The following HIVEP3 variants were observed in gnomAD, a reference collection of about 807,000 sequenced individuals.
HIVEP3 encodes transcription factor HIVEP3.
A neutral mutation model predicts 152.8 loss-of-function variants in HIVEP3; 49 were observed. The ratio of observed to expected loss-of-function variants is 0.32; its 90% CI spans 0.26 to 0.41. HIVEP3 has a LOEUF of 0.41. Among genes scored for constraint, HIVEP3 ranks in the 10% least tolerant of loss-of-function variants. The pLI is 1.00. For synonymous variants in HIVEP3, 1,269 were observed against 1,289.0 expected, an observed-to-expected ratio of 0.98 and a Z score of 0.33; for missense variants, 2,790 against 3,103.3, an observed-to-expected ratio of 0.90 and a Z score of 2.40.
At chr1:41,598,146 C>T (rs956681132) in intron 3 of HIVEP3, among the ~76,000 whole-genome samples, 10 of 152,174 alleles carry the variant, frequency 6.6e-5, no homozygotes, top group Admixed American at 1.3e-4. Context: ...ATGAGAGTTG[C>T]GCAGGCCCAG....
In HIVEP3 at chr1:41,737,206, T is replaced by C. The variant is rs183670905; in HGVS notation, c.-800-36211A>G. On this transcript the variant is annotated intron_variant, in intron 1 of 8. Transcript: ENST00000372583. ...GCTACGTGGGCTCAGAAAAGCTGCT[T>C]AACGTATCTCAGCCTGGTTTCCTCA... 2.6e-5 allele frequency among the ~76,000 whole-genome samples: 4 copies of C among 152,282 alleles called. 1 individual carries two copies. Among genetic ancestry groups the C allele is most frequent in the African/African-American group, 9.6e-5 (4 of 41,558 alleles).
At position 41,628,766 on chromosome 1, in the gene HIVEP3, C is replaced by T. The variant is rs1248537719; in HGVS notation, c.-539G>A. The T allele has an allele frequency of 1.6e-6, 2 of 1,232,108 alleles. No individual in the cohort carries two copies. The highest frequency in any genetic ancestry group is 8.4e-5 in the Admixed American group (2 of 23,704). The allele number at this position is 1,232,108 out of a possible 1,614,324, so 76.3% of individuals were successfully genotyped here. On this transcript the variant is annotated 5_prime_UTR_variant, in exon 3 of 9. It adds an upstream start codon to the 5' untranslated region. Coordinates refer to ENST00000372583, the MANE Select transcript of HIVEP3 (RefSeq NM_024503.5). ...TTTCCTACCTGTGCTGAAGGCACCACTTCCGATGACCAAAACTGAAACGCT... is the reference window on the plus strand; with the variant it reads ...TTTCCTACCTGTGCTGAAGGCACCATTTCCGATGACCAAAACTGAAACGCT...
intron 2 of HIVEP3, among the ~76,000 whole-genome samples, chr1:41,654,574 A>G (rs931794126): frequency 7.2e-5 from 11 of 152,252 alleles, no homozygotes; most frequent in African/African-American, 2.7e-4. Flanking sequence ...AACATCTTAC[A>G]TAACAAGGTA....
intron 5 of HIVEP3, among the ~76,000 whole-genome samples, chr1:41,545,091 ATCGCTAC>A (rs1643709809): frequency 7.7e-6 from 1 of 129,078 alleles, no homozygotes; most frequent in Non-Finnish European, 1.7e-5. Context: ...CACCTCTACC[ATCGCTAC>A]CATCACCACC....
Position 41,918,190 on chromosome 1 carries a change from A to G in HIVEP3, c.-801+223T>C, listed in dbSNP as rs1644903326. The stretch of plus-strand genomic sequence containing the variant: ...CGCGCCGCTCCCCAGCACCAGGCCG[A>G]GCAGCGCGCTCAGCCCACCGGGGGC... On this transcript the variant is annotated intron_variant, in intron 1 of 8. Transcript: ENST00000372583. This position sits in a 1 kb window ranked among gnomAD's most constrained non-coding sequence, Gnocchi z 4.3. Among the ~76,000 whole-genome samples, 1 of 139,326 alleles carries G rather than the reference A, an allele frequency of 7.2e-6. No individual in the cohort carries two copies. Among genetic ancestry groups the G allele is most frequent in the South Asian group, 2.5e-4 (1 of 4,038 alleles). 91.4% of individuals were successfully genotyped at this position (139,326 alleles called of 152,430 possible). A position where few individuals can be genotyped will look rare whatever the true frequency, so the allele number is the denominator to read the frequency against.
chr1:41,837,092 C>T (rs1643146053), intron 1 of HIVEP3, among the ~76,000 whole-genome samples: 1 of 152,198 alleles, frequency 6.6e-6, no homozygotes, highest in Non-Finnish European at 1.5e-5. Context: ...ATAATTCCCG[C>T]CCAATGGCCT....
Position 41,547,561 on chromosome 1 carries a change from G to A in HIVEP3, c.5208-22651C>T, listed in dbSNP as rs144987129. Among the ~76,000 whole-genome samples, 298 of 152,262 alleles carry A rather than the reference G, an allele frequency of 2.0e-3. 1 individual carries two copies. The highest frequency in any genetic ancestry group is 6.6e-3 in the African/African-American group (275 of 41,542). On this transcript the variant is annotated intron_variant, in intron 5 of 8. Coordinates refer to ENST00000372583, the MANE Select transcript of HIVEP3 (RefSeq NM_024503.5). ...GCTTGGCTGGTAGAGCGAGGAGCCC[G>A]AGGAGGTGGCCTGGGGCCAAGGCAG...
intron 2 of HIVEP3, among the ~76,000 whole-genome samples, chr1:41,671,421 C>T (rs575378570): frequency 1.5e-4 from 23 of 152,316 alleles, no homozygotes; most frequent in African/African-American, 4.6e-4. Context: ...GCCGGAGAAA[C>T]GAATCCTGCT....
At chr1:41,564,142 G>A (rs182087897) in intron 5 of HIVEP3, among the ~76,000 whole-genome samples, 100 of 152,236 alleles carry the variant, frequency 6.6e-4, no homozygotes, top group Non-Finnish European at 7.4e-5. Flanking sequence ...GCAGTGAGCC[G>A]AGATCGTGCC....
chr1:41,772,567 G>A (rs1487772309), intron 1 of HIVEP3, among the ~76,000 whole-genome samples: 1 of 152,158 alleles, frequency 6.6e-6, no homozygotes, highest in Non-Finnish European at 1.5e-5. Flanking sequence ...CCATCGGCAT[G>A]GTTTCAGCAG....
chr1:41,707,920 A>G (rs965088104), intron 1 of HIVEP3, among the ~76,000 whole-genome samples: 9 of 152,258 alleles, frequency 5.9e-5, no homozygotes, highest in African/African-American at 2.2e-4. Flanking sequence ...CTGGCCTGTC[A>G]GGAGTCAGTA....
At chr1:41,756,214 T>C (rs1647299174) in intron 1 of HIVEP3, among the ~76,000 whole-genome samples, 1 of 152,184 alleles carries the variant, frequency 6.6e-6, no homozygotes, top group South Asian at 2.1e-4. Flanking sequence ...TCTCAAAAGG[T>C]CATCTAATGT....
intron 5 of HIVEP3, among the ~76,000 whole-genome samples, chr1:41,544,844 T>TACCACC (rs1309800542): frequency 8.5e-5 from 1 of 11,818 alleles, no homozygotes; most frequent in Non-Finnish European, 1.7e-4. Flanking sequence ...CCACCACCAC[T>TACCACC]ACCACCACCA....
intron 1 of HIVEP3, among the ~76,000 whole-genome samples, chr1:41,846,798 T>C (rs1398041378): frequency 6.6e-6 from 1 of 152,236 alleles, no homozygotes; most frequent in Non-Finnish European, 1.5e-5. Flanking sequence ...TCTTGCCTGG[T>C]GCCTTGCAAC....
At chr1:41,879,963 C>T (rs1156352981) in intron 1 of HIVEP3, among the ~76,000 whole-genome samples, 1 of 152,202 alleles carries the variant, frequency 6.6e-6, no homozygotes, top group Non-Finnish European at 1.5e-5. Context: ...CATTAAACCT[C>T]ACCACAGTCC....
At chr1:41,620,543 T>G (rs1645032010) in intron 3 of HIVEP3, among the ~76,000 whole-genome samples, 1 of 152,050 alleles carries the variant, frequency 6.6e-6, no homozygotes, top group South Asian at 2.1e-4. Context: ...TGGTCTCTAA[T>G]CCCCTGCTTT....
chr1:41,701,932 T>C (rs958360534), intron 1 of HIVEP3, among the ~76,000 whole-genome samples: 22 of 152,170 alleles, frequency 1.4e-4, no homozygotes, highest in Non-Finnish European at 2.6e-4. Context: ...GCTCAAAGAT[T>C]AGGGATCCTG....
chr1:41,842,679 AAG>A (rs1217542524), intron 1 of HIVEP3, among the ~76,000 whole-genome samples: 1 of 152,170 alleles, frequency 6.6e-6, no homozygotes, highest in African/African-American at 2.4e-5. Flanking sequence ...CCCAAGAGAA[AAG>A]AGAGCAGAAA....
At position 41,511,002 on chromosome 1, in the gene HIVEP3, CA is replaced by C; in HGVS notation, c.6669del (p.Ser2223ArgfsTer10). 6.2e-7 allele frequency: 1 copy of C among 1,613,554 alleles called. No individual in the cohort carries two copies. The highest frequency in any genetic ancestry group is 1.1e-5 in the South Asian group (1 of 91,048). ...AGGTCGCTGCCACCCCCGGAGAAGCCACTGACCCAGGCTGCGGTGGGCCCTG... is the reference window on the plus strand; with the variant it reads ...AGGTCGCTGCCACCCCCGGAGAAGCCCTGACCCAGGCTGCGGTGGGCCCTG... ...LLPGPTAAWV[S>X]GFSGGGSDLT... On this transcript the variant is annotated frameshift_variant, in exon 9 of 9. Coordinates refer to ENST00000372583, the MANE Select transcript of HIVEP3 (RefSeq NM_024503.5). LOFTEE classifies it high-confidence loss of function. The surrounding 1 kb of genome is among the most constrained non-coding windows in gnomAD (Gnocchi z 4.9).
Sources: allele counts gnomAD v4.1 joint callset (sites outside exome capture counted in the v4.1 genomes callset), GRCh38; gene constraint gnomAD v4.1.1; non-coding constraint Gnocchi (gnomAD v3.1); transcripts MANE v1.5; gene names NCBI Gene and HGNC (gene_info 2026-07-23, HGNC 2026-07-21).